Variants in CLPB observed in about 807,000 individuals in gnomAD.
The protein encoded by CLPB is ClpB family mitochondrial disaggregase, also known as mitochondrial disaggregase.
CLPB carries 40 observed loss-of-function variants against 78.4 expected under a neutral mutation model. The ratio of observed to expected loss-of-function variants is 0.51; its 90% CI spans 0.40 to 0.66. The LOEUF is 0.66. Ranked by LOEUF, CLPB falls within the 30% of genes least tolerant of loss-of-function variation. The probability of loss-of-function intolerance (pLI) is 0.00; values close to 1 mark genes in which losing one functional copy is unlikely to be tolerated. For synonymous variants in CLPB, 333 were observed against 348.0 expected, an observed-to-expected ratio of 0.96 and a Z score of 0.48; for missense variants, 780 against 886.9, an observed-to-expected ratio of 0.88 and a Z score of 1.53.
At chr11:72,387,831 G>A (rs755256923) in intron 3 of CLPB, among the ~76,000 whole-genome samples, 4 of 152,174 alleles carry the variant, frequency 2.6e-5, no homozygotes, top group Non-Finnish European at 5.9e-5. Context: ...TTCTGCACAA[G>A]TTGATGTGTG....
intron 2 of CLPB, among the ~76,000 whole-genome samples, chr11:72,424,260 G>A (rs1027813253): frequency 6.6e-6 from 1 of 152,130 alleles, no homozygotes; most frequent in Admixed American, 6.5e-5. Flanking sequence ...GAGTATAGGC[G>A]CTCAGCCATA....
intron 2 of CLPB, among the ~76,000 whole-genome samples, chr11:72,414,798 T>C (rs1855973677): frequency 6.6e-6 from 1 of 152,224 alleles, no homozygotes; most frequent in Admixed American, 6.5e-5. Flanking sequence ...AGCTCTTGAA[T>C]GATGGAGTTC....
intron 5 of CLPB, among the ~76,000 whole-genome samples, chr11:72,330,715 G>C (rs1238237853): frequency 6.6e-6 from 1 of 152,200 alleles, no homozygotes; most frequent in Non-Finnish European, 1.5e-5. Flanking sequence ...CTGCCCTTTA[G>C]GGAAGGGCAG....
intron 7 of CLPB, among the ~76,000 whole-genome samples, chr11:72,310,285 C>G (rs2135515829): frequency 6.6e-6 from 1 of 152,330 alleles, no homozygotes; most frequent in East Asian, 1.9e-4. Flanking sequence ...CTAGCCACTT[C>G]TGCCTGCCCA....
chr11:72,388,391 C>T (rs1281338619), intron 3 of CLPB, among the ~76,000 whole-genome samples: 1 of 151,960 alleles, frequency 6.6e-6, no homozygotes, highest in Non-Finnish European at 1.5e-5. Context: ...GCTGGGACTA[C>T]AGGCACCTGC....
intron 4 of CLPB, among the ~76,000 whole-genome samples, chr11:72,361,903 T>C (rs572229329): frequency 6.6e-6 from 1 of 152,216 alleles, no homozygotes; most frequent in African/African-American, 2.4e-5. Flanking sequence ...CAATTTCACA[T>C]GTGCAATGAC....
intron 6 of CLPB, among the ~76,000 whole-genome samples, chr11:72,327,734 G>T (rs1393072217): frequency 6.6e-6 from 1 of 152,232 alleles, no homozygotes; most frequent in East Asian, 1.9e-4. Flanking sequence ...CAGTCCCTAA[G>T]ATTATGCACA....
At chr11:72,406,794 CAG>C (rs1298944845) in intron 2 of CLPB, among the ~76,000 whole-genome samples, 1 of 152,154 alleles carries the variant, frequency 6.6e-6, no homozygotes, top group East Asian at 1.9e-4. Flanking sequence ...GGGGAGGAGA[CAG>C]AGAGAGAGGT....
At chr11:72,432,723 C>A (rs1006551760) in intron 1 of CLPB, among the ~76,000 whole-genome samples, 1 of 152,130 alleles carries the variant, frequency 6.6e-6, no homozygotes, top group Non-Finnish European at 1.5e-5. Context: ...AACAGAGGAC[C>A]CGTGAGGAGA....
At chr11:72,380,630 G>A (rs781284815) in intron 3 of CLPB, among the ~76,000 whole-genome samples, 45 of 152,046 alleles carry the variant, frequency 3.0e-4, no homozygotes, top group Non-Finnish European at 2.5e-4. Context: ...CTTGAGTCCG[G>A]GAGTTCAAGA....
chr11:72,305,508 G>A (rs978902695), intron 9 of CLPB, among the ~76,000 whole-genome samples: 1 of 152,182 alleles, frequency 6.6e-6, no homozygotes, highest in Admixed American at 6.5e-5. Flanking sequence ...TGGGTTGGAG[G>A]GCTTTCACCT....
chr11:72,371,067 G>GT (rs556785622), intron 4 of CLPB, among the ~76,000 whole-genome samples: 37 of 152,148 alleles, frequency 2.4e-4, no homozygotes, highest in African/African-American at 8.2e-4. Flanking sequence ...TATCTGAGTG[G>GT]TTTTTTTGTT....
At chr11:72,388,132 T>C (rs749318629) in intron 3 of CLPB, among the ~76,000 whole-genome samples, 2 of 152,064 alleles carry the variant, frequency 1.3e-5, no homozygotes, top group African/African-American at 2.4e-5. Flanking sequence ...GGATCGACCC[T>C]GGGGCTGCTA....
chr11:72,288,194 T>C lies in CLPB; in HGVS notation c.*5173A>G, dbSNP rs1949412371. On this transcript the variant is annotated 3_prime_UTR_variant, in exon 16 of 16. Coordinates refer to ENST00000538039, the MANE Select transcript of CLPB (RefSeq NM_001258392.3). ...GTCTCATGTATTCTAGGATCCTCAATAAGGAATTTGGGGCCGGGTACAGTC... is the reference window on the plus strand; with the variant it reads ...GTCTCATGTATTCTAGGATCCTCAACAAGGAATTTGGGGCCGGGTACAGTC... The C allele has an allele frequency of 6.6e-6, 1 of 152,132 alleles. No individual in the cohort carries two copies. 9.4% of individuals were successfully genotyped at this position (152,132 alleles called of 1,614,324 possible). A position where few individuals can be genotyped will look rare whatever the true frequency, so the allele number is the denominator to read the frequency against.
rs1214752387 is a variant in CLPB, at chr11:72,289,567, T to TTTTA, written c.*3796_*3799dup. 1 of 152,066 alleles carries TTTTA rather than the reference T, an allele frequency of 6.6e-6. No individual in the cohort carries two copies. The highest frequency in any genetic ancestry group is 1.5e-5 in the Non-Finnish European group (1 of 68,010). The allele number at this position is 152,066 out of a possible 1,614,324, so 9.4% of individuals were successfully genotyped here. A position where few individuals can be genotyped will look rare whatever the true frequency, so the allele number is the denominator to read the frequency against. On this transcript the variant is annotated 3_prime_UTR_variant, in exon 16 of 16. Transcript: ENST00000538039. Reference sequence around the variant, plus strand: ...TTAAAACCGTATCTAAACTCATGATTTTTATTTATTTTTAAAAATATGAAA... The same window carrying TTTTA: ...TTAAAACCGTATCTAAACTCATGATTTTTATTTATTTATTTTTAAAAATATGAAA...
At chr11:72,342,227 G>A (rs1369564390) in intron 5 of CLPB, among the ~76,000 whole-genome samples, 1 of 152,172 alleles carries the variant, frequency 6.6e-6, no homozygotes, top group Non-Finnish European at 1.5e-5. Context: ...GAAAATGCCT[G>A]GTTTGTTCTA....
chr11:72,328,185 T>C (rs773012585), intron 6 of CLPB, among the ~76,000 whole-genome samples: 7 of 152,168 alleles, frequency 4.6e-5, no homozygotes, highest in Non-Finnish European at 1.0e-4. Context: ...CAGAGCATCC[T>C]TTTCCCTCTG....
chr11:72,362,816 C>G (rs1228194829), intron 4 of CLPB, among the ~76,000 whole-genome samples: 1 of 152,194 alleles, frequency 6.6e-6, no homozygotes, highest in African/African-American at 2.4e-5. Context: ...AAAGGCTTCA[C>G]TTGAGGAATC....
intron 5 of CLPB, among the ~76,000 whole-genome samples, chr11:72,335,705 A>T (rs1387849777): frequency 6.6e-6 from 1 of 152,102 alleles, no homozygotes; most frequent in Non-Finnish European, 1.5e-5. Flanking sequence ...CTCATCTAAG[A>T]CTGAGAGTTC....
Sources: allele counts gnomAD v4.1 joint callset (sites outside exome capture counted in the v4.1 genomes callset), GRCh38; gene constraint gnomAD v4.1.1; transcripts MANE v1.5; gene names NCBI Gene and HGNC (gene_info 2026-07-23, HGNC 2026-07-21).